MAGT1: variants seen among roughly 807,000 people sequenced by gnomAD.
MAGT1 encodes the protein dolichyl-diphosphooligosaccharide--protein glycosyltransferase subunit MAGT1.
MAGT1 carries 4 observed loss-of-function variants against 28.4 expected under a neutral mutation model. That is an observed-to-expected ratio of 0.14 (90% CI 0.07 to 0.32). The LOEUF is 0.32. Ranked by LOEUF, MAGT1 falls within the 10% of genes least tolerant of loss-of-function variation. MAGT1 has a pLI of 1.00. For synonymous variants in MAGT1, 89 were observed against 89.7 expected (o/e 0.99, Z 0.04); for missense variants, 193 against 264.5 (o/e 0.73, Z 1.88).
chrX:77,854,141 A>G (rs2076975556), intron 6 of MAGT1, among the ~76,000 whole-genome samples, 177 bp from the exon 7 acceptor site: 1 of 111,717 alleles, frequency 9.0e-6, no homozygotes, highest in Admixed American at 9.6e-5. Context: ...CTATTTTTGT[A>G]TTATCTATTC....
chrX:77,873,367 A>G (rs1480851047), intron 2 of MAGT1, among the ~76,000 whole-genome samples: 1 of 111,530 alleles, frequency 9.0e-6, no homozygotes, highest in Non-Finnish European at 1.9e-5. Context: ...AATCTGGAGA[A>G]CCTCCAAGTT....
intron 7 of MAGT1, among the ~76,000 whole-genome samples, chrX:77,842,124 G>A (rs1009222330): frequency 1.0e-4 from 11 of 110,051 alleles, no homozygotes; most frequent in Admixed American, 9.9e-5. Context: ...CTAGTTTAGC[G>A]GTTCACACCT....
rs868988867 is a variant in MAGT1 at position 77,866,107 on chromosome X, C to T, written c.390+4701G>A. Among the ~76,000 whole-genome samples, 6 of 63,698 alleles carry T rather than the reference C, an allele frequency of 9.4e-5. 2 individuals are homozygous for T. Among genetic ancestry groups the T allele is most frequent in the Non-Finnish European group, 1.3e-4 (3 of 23,686 alleles). The allele number at this position is 63,698 out of a possible 115,157, so 55.3% of individuals were successfully genotyped here. On this transcript the variant is annotated intron_variant, in intron 3 of 9. Transcript: ENST00000618282. The stretch of plus-strand genomic sequence containing the variant: ...AGAGGTTGGCAGTGAGCCGAGATCA[C>T]GCCACCGCACTCCAGCCTGGGTGAC...
intron 2 of MAGT1, among the ~76,000 whole-genome samples, chrX:77,871,755 T>C (rs1222465524): frequency 1.8e-5 from 2 of 109,821 alleles, no homozygotes; most frequent in Admixed American, 2.0e-4. Flanking sequence ...GGCAAGAGAA[T>C]GGCTTGAATC....
At position 77,847,948 on chromosome X, in the gene MAGT1, T is replaced by C. The variant is rs1357610153; in HGVS notation, c.826+5953A>G. ...ATTTCTACAGGCTTTGATTTCTGGG[T>C]ACTCTCTGATTAATGATTGAGACTT... is the stretch of plus-strand genomic sequence containing the variant. On this transcript the variant is annotated intron_variant, in intron 7 of 9. Transcript: ENST00000618282. Among the ~76,000 whole-genome samples the C allele has an allele frequency of 2.7e-5, 3 of 111,463 alleles. No homozygotes were observed. The East Asian group carries it at 8.5e-4, about 31-fold the overall frequency.
intron 1 of MAGT1, among the ~76,000 whole-genome samples, chrX:77,892,198 A>T (rs908640148): frequency 2.7e-5 from 3 of 112,020 alleles, no homozygotes; most frequent in Non-Finnish European, 5.6e-5. Flanking sequence ...CCCAGCAAAA[A>T]ATAGATTTTA....
At chrX:77,842,406 C>T (rs1489377849) in intron 7 of MAGT1, among the ~76,000 whole-genome samples, 1 of 111,210 alleles carries the variant, frequency 9.0e-6, no homozygotes, top group African/African-American at 3.3e-5. Flanking sequence ...AAAAAATTCT[C>T]CATATTTTCA....
At chrX:77,877,508 A>G (rs1307067307) in intron 1 of MAGT1, among the ~76,000 whole-genome samples, 1 of 106,671 alleles carries the variant, frequency 9.4e-6, no homozygotes, top group Admixed American at 1.0e-4. Flanking sequence ...AAAATAAAAT[A>G]AAATAAAAAA....
intron 3 of MAGT1, among the ~76,000 whole-genome samples, chrX:77,863,510 C>CAA (rs782814277): frequency 4.3e-5 from 2 of 46,078 alleles, no homozygotes; most frequent in East Asian, 6.7e-4. Context: ...GACTCCGTCT[C>CAA]AAAAAAAAAA....
At chrX:77,881,236 C>A (rs1557218406) in intron 1 of MAGT1, among the ~76,000 whole-genome samples, 1 of 110,800 alleles carries the variant, frequency 9.0e-6, no homozygotes, top group Non-Finnish European at 1.9e-5. Context: ...TTGAAGCAAT[C>A]ATTAATTTTT....
At chrX:77,850,360 C>T (rs2076963800) in intron 7 of MAGT1, among the ~76,000 whole-genome samples, 1 of 107,097 alleles carries the variant, frequency 9.3e-6, no homozygotes, top group East Asian at 3.0e-4. Context: ...CTTGTAATTC[C>T]AGCTACTCAG....
rs141924640 is a variant in MAGT1, at chrX:77,893,972, G to C, written c.102+1337C>G. On this transcript the variant is annotated intron_variant, in intron 1 of 9. Transcript: ENST00000618282. ...GCAATACCAGCATGTAAAGTAAAAC[G>C]TGAAAACGTTCCCCTCATCGATAAT... Among the ~76,000 whole-genome samples the C allele has an allele frequency of 5.5e-3, 618 of 111,356 alleles. 1 individual carries two copies. The highest frequency in any genetic ancestry group is 9.1e-3 in the Non-Finnish European group (483 of 53,064).
At chrX:77,848,611 C>A (rs782294973) in intron 7 of MAGT1, among the ~76,000 whole-genome samples, 1 of 111,846 alleles carries the variant, frequency 8.9e-6, no homozygotes, top group African/African-American at 3.2e-5. Context: ...AAACTCCATA[C>A]ACAACATGTC....
Position 77,868,150 on chromosome X carries a change from T to G in MAGT1, c.390+2658A>C, listed in dbSNP as rs910893349. 20 of 67,231 alleles carry G rather than the reference T, an allele frequency of 3.0e-4. 1 individual carries two copies. Among genetic ancestry groups the G allele is most frequent in the African/African-American group, 6.9e-4 (20 of 28,853 alleles). 5.5% of individuals were successfully genotyped at this position (67,231 alleles called of 1,213,427 possible). ...ACAGTTTAATTTGGGATATAATAAATTTTTAGATTGGGAAGTCATTCATAT... is the reference window on the plus strand; with the variant it reads ...ACAGTTTAATTTGGGATATAATAAAGTTTTAGATTGGGAAGTCATTCATAT... On this transcript the variant is annotated intron_variant, in intron 3 of 9. Transcript: ENST00000618282.
intron 1 of MAGT1, among the ~76,000 whole-genome samples, chrX:77,888,027 C>T (rs1398267002): frequency 9.0e-6 from 1 of 111,524 alleles, no homozygotes; most frequent in Middle Eastern, 4.2e-3. Context: ...CCAGGCTGGT[C>T]TCAAACTCTT....
intron 8 of MAGT1, among the ~76,000 whole-genome samples, chrX:77,836,088 GC>G (rs2076917004): frequency 9.0e-6 from 1 of 111,331 alleles, no homozygotes; most frequent in Admixed American, 9.7e-5. Flanking sequence ...ACAGGAGTGA[GC>G]CACCATGCCC....
intron 7 of MAGT1, among the ~76,000 whole-genome samples, chrX:77,848,210 G>A (rs1225129524): frequency 4.5e-5 from 5 of 112,296 alleles, no homozygotes; most frequent in African/African-American, 1.6e-4. Context: ...ACAAAATAAA[G>A]ATCCTACCAT....
Position 77,865,816 on chromosome X carries a change from AG to A in MAGT1, c.390+4991del, listed in dbSNP as rs782672556. 5.4e-5 allele frequency among the ~76,000 whole-genome samples: 6 copies of A among 111,529 alleles called. No individual in the cohort carries two copies. In the South Asian group the frequency reaches 2.3e-3, roughly 42 times the overall value. On this transcript the variant is annotated intron_variant, in intron 3 of 9. Transcript: ENST00000618282. Reference sequence around the variant, plus strand: ...TTTTGAGAGTGGAGAGAAAGCAGACAGGGAAGAAAATTGTTGTAACCCAACA... The same window carrying A: ...TTTTGAGAGTGGAGAGAAAGCAGACAGGAAGAAAATTGTTGTAACCCAACA...
intron 2 of MAGT1, among the ~76,000 whole-genome samples, chrX:77,873,785 T>G (rs1360638212): frequency 9.0e-6 from 1 of 111,323 alleles, no homozygotes; most frequent in Non-Finnish European, 1.9e-5. Context: ...ATTTAAAATG[T>G]TTTTAGCAAT....
Sources: allele counts gnomAD v4.1 joint callset (sites outside exome capture counted in the v4.1 genomes callset), GRCh38; gene constraint gnomAD v4.1.1; transcripts MANE v1.5; gene names NCBI Gene and HGNC (gene_info 2026-07-23, HGNC 2026-07-21).